C1orf52: variants seen among roughly 807,000 people sequenced by gnomAD.
C1orf52 encodes UPF0690 protein C1orf52.
A neutral mutation model predicts 17.2 loss-of-function variants in C1orf52; 5 were observed. That is an observed-to-expected ratio of 0.29 (90% CI 0.15 to 0.61). The LOEUF (loss-of-function observed/expected upper bound fraction) is 0.61. C1orf52 is among the 20% of genes least tolerant of loss of function. The pLI is 0.85. For missense variants in C1orf52, 245 were observed against 234.1 expected (o/e 1.05, Z -0.30); for synonymous variants, 110 against 88.0 (o/e 1.25, Z -1.40).
In C1orf52 at chr1:85,259,414, T is replaced by C; in HGVS notation, c.220A>G (p.Asn74Asp). ...CAGTCTATCTGTTTGTTGAGCGGAT[T>C]GTAGAGAAAGGCCGGGCGAGTCACG... ...RSVTRPAFLY[N>D]PLNKQIDWER... is the part of the protein sequence containing the mutation. The change falls in exon 1 of 3, where the codon AAT (asparagine) becomes GAT (aspartate). Residue 74 changes from asparagine (N) to aspartate (D), a missense_variant. By Grantham distance (23) the Asn-to-Asp change is conservative. Transcript: ENST00000471115. The C allele has an allele frequency of 6.2e-7, 1 of 1,613,940 alleles. No homozygotes were observed. The highest frequency in any genetic ancestry group is 2.2e-5 in the East Asian group (1 of 44,856).
intron 2 of C1orf52, 65 bp downstream of exon 2, chr1:85,258,459 C>T: frequency 7.5e-7 from 1 of 1,327,836 alleles, no homozygotes; most frequent in Non-Finnish European, 1.0e-6. Context: ...CATTAAATAT[C>T]TCATTCTTTT....
rs558567984 is a variant in C1orf52 at position 85,257,471 on chromosome 1, G to C, written c.475+1053C>G. ...GTTCTGGATTTCAAGATCTTCAAGTGCTAGAAAGGGGCCATTAAAAATGAC... is the reference window on the plus strand; with the variant it reads ...GTTCTGGATTTCAAGATCTTCAAGTCCTAGAAAGGGGCCATTAAAAATGAC... On this transcript the variant is annotated intron_variant, in intron 2 of 2. Coordinates refer to ENST00000471115, the MANE Select transcript of C1orf52 (RefSeq NM_198077.4). 7.0e-6 allele frequency: 5 copies of C among 717,286 alleles called. 1 individual carries two copies. The highest frequency in any genetic ancestry group is 5.2e-5 in the African/African-American group (3 of 57,366). The allele number at this position is 717,286 out of a possible 1,614,324, so 44.4% of individuals were successfully genotyped here.
At chr1:85,258,194 C>T (rs965943926) in intron 2 of C1orf52, among the ~76,000 whole-genome samples, 28 of 151,698 alleles carry the variant, frequency 1.8e-4, no homozygotes, top group Non-Finnish European at 1.5e-5. Flanking sequence ...TAGCTACAGT[C>T]ACAAGAAACC....
intron 2 of C1orf52, among the ~76,000 whole-genome samples, 194 bp from the exon 3 acceptor site, chr1:85,252,896 T>C (rs1659834441): frequency 6.6e-6 from 1 of 152,220 alleles, no homozygotes; most frequent in African/African-American, 2.4e-5. Context: ...GAGCAATTTT[T>C]TTTTTCAATT....
intron 2 of C1orf52, among the ~76,000 whole-genome samples, chr1:85,255,070 C>T (rs1410450004): frequency 1.3e-5 from 2 of 152,118 alleles, no homozygotes; most frequent in African/African-American, 4.8e-5. Flanking sequence ...GGTAAGGAAA[C>T]AATTTTTTTA....
chr1:85,250,281 CT>C lies in C1orf52; in HGVS notation c.*2347del, dbSNP rs1159124625. On this transcript the variant is annotated 3_prime_UTR_variant, in exon 3 of 3. Coordinates refer to ENST00000471115, the MANE Select transcript of C1orf52 (RefSeq NM_198077.4). ...TCAGGATCTCAACATGTTGCCCAGG[CT>C]TAACTTAAAGTGCAGGAAACAATCA... 1 of 152,078 alleles carries C rather than the reference CT, an allele frequency of 6.6e-6. No individual in the cohort carries two copies. Among genetic ancestry groups the C allele is most frequent in the African/African-American group, 2.4e-5 (1 of 41,408 alleles). 9.4% of individuals were successfully genotyped at this position (152,078 alleles called of 1,614,324 possible). A position where few individuals can be genotyped will look rare whatever the true frequency, so the allele number is the denominator to read the frequency against.
At chr1:85,253,772 T>TA (rs10710331) in intron 2 of C1orf52, among the ~76,000 whole-genome samples, 15 of 150,552 alleles carry the variant, frequency 1.0e-4, no homozygotes, top group Admixed American at 1.3e-4. Flanking sequence ...ACTACATGGT[T>TA]AAAAAAAAAA....
chr1:85,259,447 A>G lies in C1orf52; in HGVS notation c.187T>C (p.Phe63Leu). 6.2e-7 allele frequency: 1 copy of G among 1,613,920 alleles called. No homozygotes were observed. The highest frequency in any genetic ancestry group is 8.5e-7 in the Non-Finnish European group (1 of 1,179,968). The change falls in exon 1 of 3, where the codon TTT (phenylalanine) becomes CTT (leucine). Residue 63 changes from phenylalanine to leucine, a missense_variant. Phe to Leu is a conservative substitution (Grantham distance 22). Coordinates refer to ENST00000471115, the MANE Select transcript of C1orf52 (RefSeq NM_198077.4). ...EKRLPGPDEL[F>L]RSVTRPAFLY... Reference sequence around the variant, plus strand: ...AAGGCCGGGCGAGTCACGCTCCTAAACAGCTCGTCAGGTCCCGGGAGCCGC... The same window carrying G: ...AAGGCCGGGCGAGTCACGCTCCTAAGCAGCTCGTCAGGTCCCGGGAGCCGC...
rs749601140 is a variant in C1orf52 at position 85,259,610 on chromosome 1, A to G, written c.24T>C (p.Pro8=). ...TCCCGTATGCCGCAAAATAGCTCAG[A>G]GGGTCCTTCTCCTCCGCTGCCATGA... MAAEEKD[P]LSYFAAYGSS... is the part of the protein sequence containing the mutation. The change falls in exon 1 of 3, where the codon CCT becomes CCC. Residue 8 remains proline (P), a synonymous_variant. Coordinates refer to ENST00000471115, the MANE Select transcript of C1orf52 (RefSeq NM_198077.4). The G allele has an allele frequency of 3.2e-6, 5 of 1,574,292 alleles. No homozygotes were observed. Among genetic ancestry groups the G allele is most frequent in the Middle Eastern group, 1.7e-4 (1 of 5,762 alleles).
Position 85,252,647 on chromosome 1 carries a change from T to C in C1orf52, c.531A>G (p.Pro177=). ...SKKRKVEPGE[P]AKKKK is the part of the protein sequence containing the mutation. ...TTTGTTTCTACTTTTTCTTCTTTGCTGGTTCTCCTGGCTCTACTTTGCGCT... is the reference window on the plus strand; with the variant it reads ...TTTGTTTCTACTTTTTCTTCTTTGCCGGTTCTCCTGGCTCTACTTTGCGCT... Residue 177 remains proline (P), a synonymous_variant, in exon 3 of 3, where the codon CCA becomes CCG. Coordinates refer to ENST00000471115, the MANE Select transcript of C1orf52 (RefSeq NM_198077.4). The C allele has an allele frequency of 6.2e-7, 1 of 1,613,596 alleles. No individual in the cohort carries two copies. Among genetic ancestry groups the C allele is most frequent in the South Asian group, 1.1e-5 (1 of 91,046 alleles).
In C1orf52 at chr1:85,252,548, A is replaced by G. The variant is rs562971827; in HGVS notation, c.*81T>C. 223 of 1,169,262 alleles carry G rather than the reference A, an allele frequency of 1.9e-4. No homozygotes were observed. The African/African-American group carries it at 2.8e-3, about 15-fold the overall frequency. 72.4% of individuals were successfully genotyped at this position (1,169,262 alleles called of 1,614,324 possible). ...ATGCATTTTCATGGAGATGTGGCAT[A>G]ATAACCCACAATATCAACTTAATCT... On this transcript the variant is annotated 3_prime_UTR_variant, in exon 3 of 3. Transcript: ENST00000471115.
At chr1:85,259,092 T>A in intron 1 of C1orf52, 1 of 1,351,326 alleles carries the variant, frequency 7.4e-7, no homozygotes, top group East Asian at 3.0e-5. Flanking sequence ...GAGTCACCAC[T>A]GTTAGTCCTC....
At chr1:85,256,223 C>T (rs1048713311) in intron 2 of C1orf52, among the ~76,000 whole-genome samples, 16 of 152,232 alleles carry the variant, frequency 1.1e-4, no homozygotes, top group Non-Finnish European at 2.2e-4. Context: ...ATGCCTACTA[C>T]TCTGTCTCTT....
rs1367489628 is a variant in C1orf52 at position 85,252,154 on chromosome 1, CACAG to C, written c.*471_*474del. On this transcript the variant is annotated 3_prime_UTR_variant, in exon 3 of 3. Coordinates refer to ENST00000471115, the MANE Select transcript of C1orf52 (RefSeq NM_198077.4). ...GTCACACGACAAATAGGGTACTTGT[CACAG>C]ACAAACATTCAAATGTTAATGTTAT... 1 of 152,820 alleles carries C rather than the reference CACAG, an allele frequency of 6.5e-6. No homozygotes were observed. The highest frequency in any genetic ancestry group is 2.4e-5 in the African/African-American group (1 of 41,420). 9.5% of individuals were successfully genotyped at this position (152,820 alleles called of 1,614,324 possible).
At position 85,258,543 on chromosome 1, in the gene C1orf52, C is replaced by T; in HGVS notation, c.456G>A (p.Gly152=). 6.2e-7 allele frequency: 1 copy of T among 1,614,028 alleles called. No individual in the cohort carries two copies. Among genetic ancestry groups the T allele is most frequent in the Non-Finnish European group, 8.5e-7 (1 of 1,179,946 alleles). Residue 152 remains glycine (G), a synonymous_variant, in exon 2 of 3, where the codon GGG becomes GGA. Transcript: ENST00000471115. ...CCTTACCTGATTCCAACGTCTCCTC[C>T]CCTTCTGGTAGAAGCCTAGCTTTCT... ...NAKKARLLPE[G]EETLESDDEK...
chr1:85,258,463 T>G, intron 2 of C1orf52, 61 bp downstream of exon 2: 1 of 1,376,988 alleles, frequency 7.3e-7, no homozygotes, highest in African/African-American at 1.5e-5. Context: ...AAATATCTCA[T>G]TCTTTTTAAG....
rs984386449 is a variant in C1orf52 at position 85,251,490 on chromosome 1, G to A, written c.*1139C>T. ...AAATAACTGCATTTTGGAACTCAAC[G>A]ATCACACCTTCCCAACTACTTCTTG... On this transcript the variant is annotated 3_prime_UTR_variant, in exon 3 of 3. Transcript: ENST00000471115. The A allele has an allele frequency of 5.3e-5, 8 of 152,146 alleles. No individual in the cohort carries two copies. The highest frequency in any genetic ancestry group is 7.2e-5 in the African/African-American group (3 of 41,422). 9.4% of individuals were successfully genotyped at this position (152,146 alleles called of 1,614,324 possible).
chr1:85,255,806 T>C (rs1477196437), intron 2 of C1orf52, among the ~76,000 whole-genome samples: 2 of 152,262 alleles, frequency 1.3e-5, no homozygotes, highest in African/African-American at 2.4e-5. Context: ...TATAGGAATC[T>C]GAAAATCACT....
chr1:85,259,133 GGTTT>G, intron 1 of C1orf52: 1 of 1,253,386 alleles, frequency 8.0e-7, no homozygotes, highest in Non-Finnish European at 1.1e-6. Flanking sequence ...CGAGCGCGGA[GGTTT>G]GGGTCTCCTC....
Sources: allele counts gnomAD v4.1 joint callset (sites outside exome capture counted in the v4.1 genomes callset), GRCh38; gene constraint gnomAD v4.1.1; transcripts MANE v1.5; gene names NCBI Gene and HGNC (gene_info 2026-07-23, HGNC 2026-07-21).